Variants in PTGER3 observed in about 807,000 individuals in gnomAD.
PTGER3 encodes the protein prostaglandin E receptor 3.
Under a neutral mutation model 34.7 loss-of-function variants are expected in PTGER3, and 22 were observed. The observed-to-expected ratio is 0.63, with a 90% confidence interval of 0.45 to 0.91. The LOEUF (loss-of-function observed/expected upper bound fraction) is 0.91, where lower values mean the gene tolerates loss of function less well. Among genes scored for constraint, PTGER3 ranks in the 40% least tolerant of loss-of-function variants. The probability of loss-of-function intolerance (pLI) is 0.00; values close to 1 mark genes in which losing one functional copy is unlikely to be tolerated. For missense variants in PTGER3, 468 were observed against 519.4 expected (o/e 0.90, Z 0.96); for synonymous variants, 241 against 230.1 (o/e 1.05, Z -0.43).
At chr1:71,026,738 T>C (rs1283534963) in intron 1 of PTGER3, among the ~76,000 whole-genome samples, 1 of 152,008 alleles carries the variant, frequency 6.6e-6, no homozygotes, top group Non-Finnish European at 1.5e-5. Context: ...GCTTCAAAAA[T>C]ATGTTACTAT....
rs1467282303 is a variant in PTGER3 at position 70,913,803 on chromosome 1, C to A, written c.*23+39960G>T. On this transcript the variant is annotated intron_variant, in intron 4 of 4. Transcript: ENST00000370931. Reference sequence around the variant, plus strand: ...CCTTGATTTTTGAATGTTAAACAACCTTATTTTTCTGGGATAACTCCACTC... The same window carrying A: ...CCTTGATTTTTGAATGTTAAACAACATTATTTTTCTGGGATAACTCCACTC... Among the ~76,000 whole-genome samples, 3 of 151,592 alleles carry A rather than the reference C, an allele frequency of 2.0e-5. 1 individual carries two copies. Among genetic ancestry groups the A allele is most frequent in the Non-Finnish European group, 4.4e-5 (3 of 67,732 alleles).
At chr1:70,924,841 T>C (rs1647896245) in intron 4 of PTGER3, among the ~76,000 whole-genome samples, 2 of 152,188 alleles carry the variant, frequency 1.3e-5, no homozygotes, top group Admixed American at 1.3e-4. Context: ...GAATTATTTC[T>C]TGCGTGAGAT....
intron 4 of PTGER3, among the ~76,000 whole-genome samples, chr1:70,915,356 T>A (rs1256160072): frequency 6.6e-6 from 1 of 151,740 alleles, no homozygotes; most frequent in Non-Finnish European, 1.5e-5. Context: ...CATTAATGCA[T>A]GGAGAGTTTG....
At position 71,012,283 on chromosome 1, in the gene PTGER3, A is replaced by G. The variant is rs1376767334; in HGVS notation, c.1077+22T>C. On this transcript the variant is annotated intron_variant, in intron 2 of 3. Coordinates refer to ENST00000306666, the MANE Select transcript of PTGER3 (RefSeq NM_198719.2). ...TGCCCTTTCTGTCCATCATTAGAGC[A>G]GCTGGAGACAGCATTTGCTACCTGG... The G allele has an allele frequency of 5.0e-6, 8 of 1,614,158 alleles. No individual in the cohort carries two copies. The South Asian group carries it at 7.7e-5, about 16-fold the overall frequency.
At chr1:71,045,732 T>C (rs1283981845) in intron 1 of PTGER3, among the ~76,000 whole-genome samples, 5 of 151,938 alleles carry the variant, frequency 3.3e-5, no homozygotes, top group African/African-American at 1.2e-4. Flanking sequence ...CCTGCTTGAG[T>C]GCTACAAGGG....
At chr1:71,027,188 CG>C (rs1659002580) in intron 1 of PTGER3, among the ~76,000 whole-genome samples, 1 of 151,944 alleles carries the variant, frequency 6.6e-6, no homozygotes, top group African/African-American at 2.4e-5. Context: ...TTTTAAGAGA[CG>C]GGGTTTCTCT....
At chr1:71,040,336 G>A (rs560824960) in intron 1 of PTGER3, among the ~76,000 whole-genome samples, 3 of 152,136 alleles carry the variant, frequency 2.0e-5, no homozygotes, top group South Asian at 2.1e-4. Flanking sequence ...GCGGTGGCTC[G>A]TGCCTGTAAT....
chr1:70,869,212 A>C (rs1221908107), intron 4 of PTGER3: 2 of 461,806 alleles, frequency 4.3e-6, no homozygotes, highest in South Asian at 3.2e-5. Context: ...ATCACACTTT[A>C]CAACAACCAA....
chr1:70,918,343 A>C (rs1211574370), intron 4 of PTGER3, among the ~76,000 whole-genome samples: 1 of 152,032 alleles, frequency 6.6e-6, no homozygotes, highest in Non-Finnish European at 1.5e-5. Flanking sequence ...CAGGGCAATA[A>C]TTTTTTTGAA....
intron 3 of PTGER3, 59 bp from the exon 4 acceptor site, chr1:70,971,792 T>A: frequency 5.7e-6 from 7 of 1,227,398 alleles, no homozygotes; most frequent in Non-Finnish European, 8.1e-6. Flanking sequence ...TTTTTTTAAA[T>A]TTTGTGTATG....
chr1:70,863,939 A>T (rs1296193488), intron 4 of PTGER3, among the ~76,000 whole-genome samples: 1 of 152,150 alleles, frequency 6.6e-6, no homozygotes, highest in Non-Finnish European at 1.5e-5. Context: ...GTCATTCAGT[A>T]GGCAATAGAG....
intron 4 of PTGER3, among the ~76,000 whole-genome samples, chr1:70,871,335 C>A (rs1026819896): frequency 6.6e-6 from 1 of 152,134 alleles, no homozygotes; most frequent in African/African-American, 2.4e-5. Context: ...GAGGACACCA[C>A]CAAGCCATGA....
At chr1:70,888,552 A>G (rs1327421478) in intron 4 of PTGER3, among the ~76,000 whole-genome samples, 1 of 152,178 alleles carries the variant, frequency 6.6e-6, no homozygotes, top group African/African-American at 2.4e-5. Flanking sequence ...GCAAATTTCC[A>G]GTACACAATA....
chr1:71,003,337 A>C (rs1180885134), intron 2 of PTGER3, among the ~76,000 whole-genome samples: 1 of 152,228 alleles, frequency 6.6e-6, no homozygotes, highest in Admixed American at 6.5e-5. Flanking sequence ...TCCTAGTATC[A>C]TGAAGTTACA....
chr1:70,966,713 T>C (rs1332612671), downstream of PTGER3, among the ~76,000 whole-genome samples: 1 of 152,096 alleles, frequency 6.6e-6, no homozygotes, highest in African/African-American at 2.4e-5. Context: ...GGTTTTCTGT[T>C]CCTGTGTTAG....
intron 4 of PTGER3, among the ~76,000 whole-genome samples, chr1:70,916,744 T>C (rs1647182452): frequency 6.6e-6 from 1 of 151,874 alleles, no homozygotes; most frequent in Non-Finnish European, 1.5e-5. Context: ...AGGAGGAGAA[T>C]GTGGGTTGGA....
chr1:71,010,618 G>T (rs1378070064), intron 2 of PTGER3: 1 of 984,706 alleles, frequency 1.0e-6, no homozygotes, highest in African/African-American at 1.7e-5. Flanking sequence ...TTGAAAAAAA[G>T]TAGGTAGTTT....
downstream of PTGER3, among the ~76,000 whole-genome samples, chr1:70,970,475 TAAG>T (rs958474684): frequency 2.6e-5 from 4 of 152,172 alleles, no homozygotes; most frequent in Non-Finnish European, 4.4e-5. Flanking sequence ...TTCTGCTATT[TAAG>T]AAGGACTCTA....
intron 1 of PTGER3, among the ~76,000 whole-genome samples, chr1:71,027,278 C>T (rs1659011937): frequency 6.6e-6 from 1 of 152,010 alleles, no homozygotes; most frequent in African/African-American, 2.4e-5. Flanking sequence ...AGGGTTCCTC[C>T]CTAGTAGCTA....
Sources: gnomAD v4.1 joint callset for allele counts (sites outside exome capture counted in the v4.1 genomes callset) on GRCh38, gnomAD v4.1.1 for gene constraint, MANE v1.5 for transcripts, NCBI Gene and HGNC (gene_info 2026-07-23, HGNC 2026-07-21) for gene names.